Variants in LMO7 observed in about 807,000 individuals in gnomAD.
The protein encoded by LMO7 is LIM domain 7, also known as LIM domain only protein 7.
LMO7 carries 120 observed loss-of-function variants against 206.5 expected under a neutral mutation model. The observed-to-expected ratio is 0.58, with a 90% CI of 0.50 to 0.68. LMO7 has a LOEUF of 0.68. Among genes scored for constraint, LMO7 ranks in the 30% least tolerant of loss-of-function variants. LMO7 has a pLI of 0.00. For synonymous variants in LMO7, 706 were observed against 681.5 expected (o/e 1.04, Z -0.56); for missense variants, 1,959 against 1,957.9 (o/e 1.00, Z -0.01).
chr13:75,717,183 G>A (rs552089651), intron 2 of LMO7, among the ~76,000 whole-genome samples: 2 of 151,898 alleles, frequency 1.3e-5, no homozygotes, highest in East Asian at 1.9e-4. Flanking sequence ...CTAACATGGC[G>A]AAACCCCGTC....
At chr13:75,713,373 G>A in intron 2 of LMO7, 121 bp downstream of exon 2, 1 of 606,512 alleles carries the variant, frequency 1.6e-6, no homozygotes, top group Non-Finnish European at 2.8e-6. Context: ...TTGGTCACAG[G>A]TGAGATTTGA....
At chr13:75,770,034 A>C (rs2049420522) in intron 4 of LMO7, among the ~76,000 whole-genome samples, 1 of 152,020 alleles carries the variant, frequency 6.6e-6, no homozygotes, top group Non-Finnish European at 1.5e-5. Context: ...AATTTTGTGT[A>C]TAATAGGGGT....
chr13:75,716,893 TC>T (rs1189119538), intron 2 of LMO7, among the ~76,000 whole-genome samples: 2 of 47,742 alleles, frequency 4.2e-5, no homozygotes, highest in African/African-American at 7.7e-5. Flanking sequence ...ATGAAAACAC[TC>T]TTTTTTTTTT....
intron 24 of LMO7, among the ~76,000 whole-genome samples, chr13:75,842,215 C>T (rs1407962334): frequency 6.6e-6 from 1 of 152,204 alleles, no homozygotes; most frequent in Non-Finnish European, 1.5e-5. Context: ...CTTGCCAAGG[C>T]CTAGAAGGCT....
chr13:75,689,874 T>A (rs1017383915), intron 1 of LMO7, among the ~76,000 whole-genome samples: 2 of 152,160 alleles, frequency 1.3e-5, no homozygotes, highest in Non-Finnish European at 2.9e-5. Context: ...TTTAGAGGGC[T>A]TATTGTGGGA....
upstream of LMO7, chr13:75,636,184 C>T (rs1193661931): frequency 3.6e-6 from 2 of 553,916 alleles, no homozygotes; most frequent in Non-Finnish European, 4.6e-6. Flanking sequence ...AGTCTGACCA[C>T]AGAGGCGGCC....
chr13:75,829,331 G>A (rs544942579), intron 15 of LMO7, among the ~76,000 whole-genome samples: 2 of 152,230 alleles, frequency 1.3e-5, no homozygotes, highest in East Asian at 3.9e-4. Context: ...GAAGACTCAA[G>A]ATGTATTTGG....
chr13:75,734,246 G>T (rs898927714), intron 3 of LMO7, among the ~76,000 whole-genome samples: 1 of 152,170 alleles, frequency 6.6e-6, no homozygotes. Context: ...CTCAGACGGG[G>T]TAAGACATTT....
At chr13:75,732,968 G>C (rs149416580) in intron 3 of LMO7, among the ~76,000 whole-genome samples, 8 of 152,288 alleles carry the variant, frequency 5.3e-5, no homozygotes, top group African/African-American at 1.9e-4. Context: ...GCTGCTGTCT[G>C]ATCGTTCCTC....
At chr13:75,663,332 T>A (rs7981137) in intron 1 of LMO7, among the ~76,000 whole-genome samples, 138,513 of 151,214 alleles carry the variant, frequency 0.92, 63,522 homozygotes, top group East Asian at 1. Context: ...CAGATTTTTT[T>A]AAAAATTTTT....
At chr13:75,780,237 G>A (rs2051120832) in intron 4 of LMO7, among the ~76,000 whole-genome samples, 1 of 152,136 alleles carries the variant, frequency 6.6e-6, no homozygotes, top group Non-Finnish European at 1.5e-5. Context: ...ATTTCGCCAG[G>A]CTGGAATTTC....
chr13:75,789,573 A>G (rs1256608946), intron 4 of LMO7, among the ~76,000 whole-genome samples: 1 of 152,164 alleles, frequency 6.6e-6, no homozygotes. Context: ...ATGAACATTT[A>G]AATGCTTGGC....
At chr13:75,797,114 G>C (rs571221380) in intron 6 of LMO7, among the ~76,000 whole-genome samples, 1 of 152,252 alleles carries the variant, frequency 6.6e-6, no homozygotes, top group African/African-American at 2.4e-5. Flanking sequence ...GTGCTTCCTG[G>C]ACTGTTCACG....
chr13:75,743,515 A>G (rs369027750), intron 3 of LMO7, among the ~76,000 whole-genome samples: 3 of 152,238 alleles, frequency 2.0e-5, no homozygotes, highest in African/African-American at 7.2e-5. Context: ...AATACTATGC[A>G]GTCATAAAAA....
At chr13:75,652,770 T>TA (rs899603376) in intron 1 of LMO7, among the ~76,000 whole-genome samples, 5 of 151,982 alleles carry the variant, frequency 3.3e-5, no homozygotes, top group Non-Finnish European at 7.4e-5. Flanking sequence ...TTATTAAACT[T>TA]AAAAAAACCT....
At chr13:75,691,659 G>A (rs1305361057) in intron 1 of LMO7, among the ~76,000 whole-genome samples, 1 of 152,168 alleles carries the variant, frequency 6.6e-6, no homozygotes, top group Non-Finnish European at 1.5e-5. Context: ...GGAGTCTGAT[G>A]TTTCCTCTGT....
At chr13:75,658,324 T>A (rs1388692690) in intron 1 of LMO7, among the ~76,000 whole-genome samples, 2 of 151,824 alleles carry the variant, frequency 1.3e-5, no homozygotes, top group African/African-American at 4.8e-5. Context: ...AGCTTTAGAA[T>A]TAATTTTTTT....
chr13:75,795,440 C>A lies in LMO7; in HGVS notation c.348+9C>A. On this transcript the variant is annotated intron_variant, in intron 5 of 30. Transcript: ENST00000377534. ...ACAGGAGAGTGAAAAATGTAAGATA[C>A]ATTTACCTTAATGGAGCATTATAAG... is the stretch of plus-strand genomic sequence containing the variant. 2 of 1,578,494 alleles carry A rather than the reference C, an allele frequency of 1.3e-6. No individual in the cohort carries two copies. The highest frequency in any genetic ancestry group is 1.7e-6 in the Non-Finnish European group (2 of 1,154,064).
chr13:75,636,764 G>A, intron 1 of LMO7, 38 bp downstream of exon 1: 1 of 1,576,182 alleles, frequency 6.3e-7, no homozygotes, highest in Non-Finnish European at 8.6e-7. Context: ...CGCAGGTGTT[G>A]ACTGCCTCGG....
Sources: gnomAD v4.1 joint callset for allele counts (sites outside exome capture counted in the v4.1 genomes callset) on GRCh38, gnomAD v4.1.1 for gene constraint, MANE v1.5 for transcripts, NCBI Gene and HGNC (gene_info 2026-07-23, HGNC 2026-07-21) for gene names.